The following DPP10 variants were observed in gnomAD, a reference collection of about 807,000 sequenced individuals.
DPP10 encodes dipeptidyl peptidase like 10, also known as inactive dipeptidyl peptidase 10.
A neutral mutation model predicts 120.9 loss-of-function variants in DPP10; 33 were observed. The observed-to-expected ratio is 0.27, with a 90% CI of 0.21 to 0.37. The LOEUF (loss-of-function observed/expected upper bound fraction) is 0.37, where lower values mean the gene tolerates loss of function less well. DPP10 is among the 10% of genes least tolerant of loss of function. The probability of loss-of-function intolerance (pLI) is 1.00; values close to 1 mark genes in which losing one functional copy is unlikely to be tolerated. For missense variants in DPP10, 816 were observed against 942.8 expected (o/e 0.87, Z 1.76); for synonymous variants, 337 against 326.1 (o/e 1.03, Z -0.36).
At chr2:114,473,542 G>C (rs1680113703) in intron 1 of DPP10, among the ~76,000 whole-genome samples, 1 of 152,166 alleles carries the variant, frequency 6.6e-6, no homozygotes, top group African/African-American at 2.4e-5. Flanking sequence ...ATAACCTGAA[G>C]AAATGTAGAT....
chr2:114,461,553 T>C, intron 1 of DPP10: 1 of 983,126 alleles, frequency 1.0e-6, no homozygotes, highest in Non-Finnish European at 1.2e-6. Flanking sequence ...AACCTCCTTT[T>C]CTAAGACCAG....
chr2:114,987,108 T>C (rs1700452050), intron 1 of DPP10, among the ~76,000 whole-genome samples: 1 of 152,140 alleles, frequency 6.6e-6, no homozygotes, highest in Non-Finnish European at 1.5e-5. Context: ...TGCCATTCCA[T>C]TAGAGTTTTG....
intron 1 of DPP10, among the ~76,000 whole-genome samples, chr2:114,787,763 C>T (rs1041372383): frequency 9.9e-5 from 15 of 152,262 alleles, no homozygotes; most frequent in South Asian, 4.1e-4. Context: ...GGGGGCTACC[C>T]GCTTTGCTGT....
At chr2:115,348,784 G>A (rs764304880) in intron 3 of DPP10, among the ~76,000 whole-genome samples, 7 of 152,034 alleles carry the variant, frequency 4.6e-5, no homozygotes, top group East Asian at 1.9e-4. Flanking sequence ...AGATTTTACC[G>A]TGCAGCTAGT....
At chr2:115,132,223 T>G (rs2050399004) in intron 1 of DPP10, among the ~76,000 whole-genome samples, 1 of 152,182 alleles carries the variant, frequency 6.6e-6, no homozygotes, top group Non-Finnish European at 1.5e-5. Context: ...GGGGGTGTTG[T>G]GATGACCAAG....
intron 5 of DPP10, among the ~76,000 whole-genome samples, chr2:115,530,862 A>G (rs1383407181): frequency 6.6e-6 from 1 of 152,088 alleles, no homozygotes; most frequent in African/African-American, 2.4e-5. Flanking sequence ...GAGTTTTACA[A>G]ACTCCCCAGG....
At chr2:114,661,322 A>G (rs1228075243) in intron 1 of DPP10, among the ~76,000 whole-genome samples, 1 of 152,220 alleles carries the variant, frequency 6.6e-6, no homozygotes, top group East Asian at 1.9e-4. Flanking sequence ...TAAATGGAGC[A>G]TAAGTTTCTC....
chr2:115,417,366 T>C (rs940870344), intron 3 of DPP10, among the ~76,000 whole-genome samples: 19 of 152,260 alleles, frequency 1.2e-4, no homozygotes, highest in African/African-American at 4.3e-4. Flanking sequence ...ACTGGAGGGA[T>C]GAGGAAAAAA....
intron 1 of DPP10, among the ~76,000 whole-genome samples, chr2:114,714,071 T>TTG (rs59076753): frequency 0.04 from 5,902 of 147,390 alleles, 121 homozygotes; most frequent in African/African-American, 0.047. Flanking sequence ...GGATTTGTGT[T>TTG]TGTGTGTGTG....
chr2:114,889,260 C>G (rs752412137), intron 1 of DPP10, among the ~76,000 whole-genome samples: 1 of 152,146 alleles, frequency 6.6e-6, no homozygotes, highest in Non-Finnish European at 1.5e-5. Context: ...ATAAGACATC[C>G]GTGTTCACAC....
chr2:115,283,328 A>G (rs2060237004), intron 1 of DPP10, among the ~76,000 whole-genome samples: 1 of 152,132 alleles, frequency 6.6e-6, no homozygotes, highest in Non-Finnish European at 1.5e-5. Flanking sequence ...TTTGTGATAT[A>G]GAGCATTGTG....
At chr2:115,723,939 A>G (rs571151610) in intron 7 of DPP10, among the ~76,000 whole-genome samples, 26 of 152,140 alleles carry the variant, frequency 1.7e-4, no homozygotes, top group Non-Finnish European at 2.8e-4. Flanking sequence ...ATCATTCACC[A>G]TTTTCAAATT....
intron 3 of DPP10, among the ~76,000 whole-genome samples, chr2:115,418,167 A>C (rs2069599441): frequency 6.6e-6 from 1 of 152,186 alleles, no homozygotes; most frequent in Non-Finnish European, 1.5e-5. Context: ...TGTGCAAGAG[A>C]AACAGAGGAT....
At chr2:114,853,139 G>C (rs759360921) in intron 1 of DPP10, among the ~76,000 whole-genome samples, 1 of 152,260 alleles carries the variant, frequency 6.6e-6, no homozygotes, top group African/African-American at 2.4e-5. Context: ...TGGTGATAGA[G>C]GTCAGAATAG....
chr2:114,998,650 T>C (rs1023420955), intron 1 of DPP10, among the ~76,000 whole-genome samples: 4 of 152,116 alleles, frequency 2.6e-5, no homozygotes, highest in African/African-American at 7.2e-5. Flanking sequence ...ACTGAGTAAT[T>C]TGGGCAGAAT....
chr2:115,330,602 A>G (rs1365119737), intron 2 of DPP10, among the ~76,000 whole-genome samples: 9 of 152,032 alleles, frequency 5.9e-5, no homozygotes, highest in Non-Finnish European at 8.8e-5. Context: ...ATCTTGAATT[A>G]ATTTTTGTAT....
intron 1 of DPP10, among the ~76,000 whole-genome samples, chr2:114,507,050 CTT>C (rs1227607834): frequency 2.6e-4 from 32 of 124,696 alleles, no homozygotes; most frequent in Admixed American, 6.2e-4. Context: ...CTTTTTTTTT[CTT>C]TTTTTTTTTT....
At chr2:115,283,003 G>T (rs1284437350) in intron 1 of DPP10, among the ~76,000 whole-genome samples, 2 of 151,760 alleles carry the variant, frequency 1.3e-5, no homozygotes, top group Non-Finnish European at 2.9e-5. Context: ...ATCTAGCCTT[G>T]AATATTTCCT....
chr2:114,660,736 A>T, intron 1 of DPP10, among the ~76,000 whole-genome samples: 1 of 152,242 alleles, frequency 6.6e-6, no homozygotes, highest in East Asian at 1.9e-4. Context: ...TAAGTTATAA[A>T]GAATCCAAAT....
Sources: gnomAD v4.1 joint callset for allele counts (sites outside exome capture counted in the v4.1 genomes callset) on GRCh38, gnomAD v4.1.1 for gene constraint, MANE v1.5 for transcripts, NCBI Gene and HGNC (gene_info 2026-07-23, HGNC 2026-07-21) for gene names.